The following SEL1L variants were observed in gnomAD, a reference collection of about 807,000 sequenced individuals.
The protein encoded by SEL1L is protein sel-1 homolog 1.
SEL1L carries 52 observed loss-of-function variants against 109.8 expected under a neutral mutation model. The observed-to-expected ratio is 0.47, with a 90% CI of 0.38 to 0.60. SEL1L has a LOEUF of 0.60. SEL1L is among the 20% of genes least tolerant of loss of function. The pLI, the probability that SEL1L is intolerant of heterozygous loss-of-function variation, is 0.00. For missense variants in SEL1L, 749 were observed against 962.2 expected (o/e 0.78, Z 2.93); for synonymous variants, 373 against 339.6 (o/e 1.10, Z -1.08).
At chr14:81,508,483 C>T (rs1418338267) in intron 3 of SEL1L, among the ~76,000 whole-genome samples, 8 of 151,974 alleles carry the variant, frequency 5.3e-5, no homozygotes, top group African/African-American at 1.7e-4. Context: ...CGGTGGCTCA[C>T]GCCTGTAATT....
intron 3 of SEL1L, among the ~76,000 whole-genome samples, chr14:81,510,514 C>CTCTCTCTCTATATATATA (rs35474067): frequency 9.8e-4 from 102 of 104,062 alleles, no homozygotes; most frequent in African/African-American, 2.2e-3. Flanking sequence ...CTCTCTCTCT[C>CTCTCTCTCTATATATATA]TATATATATA....
At chr14:81,498,631 G>A (rs1200992343) in intron 8 of SEL1L, 137 bp from the exon 9 acceptor site, 1 of 628,540 alleles carries the variant, frequency 1.6e-6, no homozygotes, top group Non-Finnish European at 2.8e-6. Flanking sequence ...TTTATGCTAA[G>A]TGTTAGGTTT....
Position 81,476,623 on chromosome 14 carries a change from G to T in SEL1L, c.*349C>A, listed in dbSNP as rs1903167814. On this transcript the variant is annotated 3_prime_UTR_variant, in exon 21 of 21. Coordinates refer to ENST00000336735, the MANE Select transcript of SEL1L (RefSeq NM_005065.6). ...ATACCTTAAAGATGGTTGACATTAA[G>T]AACTTATGCACACTGAAATAATGAC... 9.6e-6 allele frequency: 2 copies of T among 207,438 alleles called. No individual in the cohort carries two copies. Among genetic ancestry groups the T allele is most frequent in the East Asian group, 2.0e-4 (2 of 9,986 alleles). 12.8% of individuals were successfully genotyped at this position (207,438 alleles called of 1,614,324 possible). A position where few individuals can be genotyped will look rare whatever the true frequency, so the allele number is the denominator to read the frequency against.
At chr14:81,493,344 T>C (rs1883621276) in intron 11 of SEL1L, among the ~76,000 whole-genome samples, 1 of 151,992 alleles carries the variant, frequency 6.6e-6, no homozygotes, top group Non-Finnish European at 1.5e-5. Flanking sequence ...ACTCCGTCTC[T>C]ACTAAAAATA....
chr14:81,476,968 C>T lies in SEL1L; in HGVS notation c.*4G>A, dbSNP rs780058699. On this transcript the variant is annotated 3_prime_UTR_variant, in exon 21 of 21. Transcript: ENST00000336735. ...TCACTGATCAAGGCTGGACCCAGTG[C>T]CTATTACTGTGGTGGCTGCTGCTCT... 6 of 1,614,106 alleles carry T rather than the reference C, an allele frequency of 3.7e-6. No homozygotes were observed. The highest frequency in any genetic ancestry group is 1.1e-5 in the South Asian group (1 of 91,074).
intron 18 of SEL1L, among the ~76,000 whole-genome samples, chr14:81,485,243 CA>C (rs1181852882): frequency 6.6e-6 from 1 of 152,066 alleles, no homozygotes. Context: ...CAATAATATG[CA>C]AACAAATTAA....
intron 10 of SEL1L, among the ~76,000 whole-genome samples, chr14:81,496,828 G>A (rs969238766): frequency 1.6e-4 from 24 of 152,278 alleles, no homozygotes; most frequent in African/African-American, 5.8e-4. Flanking sequence ...GTATCTCATG[G>A]TACCAAAATA....
rs1384870085 is a variant in SEL1L, at chr14:81,472,013, G to GT, written c.*4958dup. 6.6e-6 allele frequency: 1 copy of GT among 152,030 alleles called. No individual in the cohort carries two copies. Among genetic ancestry groups the GT allele is most frequent in the African/African-American group, 2.4e-5 (1 of 41,406 alleles). The allele number at this position is 152,030 out of a possible 1,614,324, so 9.4% of individuals were successfully genotyped here. A position where few individuals can be genotyped will look rare whatever the true frequency, so the allele number is the denominator to read the frequency against. On this transcript the variant is annotated 3_prime_UTR_variant, in exon 21 of 21. Transcript: ENST00000336735. Reference sequence around the variant, plus strand: ...TTTTTTTTACTTGCATCTAATTTGTGTATCTGCTGTAACTTAATCTAAGCA... The same window carrying GT: ...TTTTTTTTACTTGCATCTAATTTGTGTTATCTGCTGTAACTTAATCTAAGCA...
intron 1 of SEL1L, among the ~76,000 whole-genome samples, chr14:81,530,025 C>T (rs4903985): frequency 0.72 from 109,699 of 152,194 alleles, 39,665 homozygotes; most frequent in African/African-American, 0.76. Context: ...ATTTTATTAA[C>T]TGTACACCTT....
intron 11 of SEL1L, among the ~76,000 whole-genome samples, chr14:81,493,984 C>A (rs1883642962): frequency 6.6e-6 from 1 of 152,298 alleles, no homozygotes; most frequent in South Asian, 2.1e-4. Context: ...GTTTTGGACT[C>A]CATTCTCACT....
chr14:81,506,365 G>T, intron 3 of SEL1L, 124 bp from the exon 4 acceptor site: 1 of 817,846 alleles, frequency 1.2e-6, no homozygotes, highest in South Asian at 2.0e-5. Flanking sequence ...TTTGTAACTG[G>T]GAACATAAAA....
rs185041069 is a variant in SEL1L, at chr14:81,501,996, G to T, written c.777+725C>A. Among the ~76,000 whole-genome samples the T allele has an allele frequency of 1.9e-4, 29 of 151,440 alleles. No homozygotes were observed. In the East Asian group the frequency reaches 5.4e-3, roughly 28 times the overall value. On this transcript the variant is annotated intron_variant, in intron 6 of 20. Coordinates refer to ENST00000336735, the MANE Select transcript of SEL1L (RefSeq NM_005065.6). The stretch of plus-strand genomic sequence containing the variant: ...TAATATAGACAAAAAAGGCATTGGG[G>T]TATACTAGATAACAACCAAATGTAA...
At position 81,526,878 on chromosome 14, in the gene SEL1L, T is replaced by C. The variant is rs768957813; in HGVS notation, c.195A>G (p.Glu65=). 1 of 1,598,456 alleles carries C rather than the reference T, an allele frequency of 6.3e-7. No individual in the cohort carries two copies. Among genetic ancestry groups the C allele is most frequent in the Non-Finnish European group, 8.5e-7 (1 of 1,174,150 alleles). ...VAGQIFLDSE[E]SELESSIQEE... is the part of the protein sequence containing the mutation. ...CTTGAATAGAGGATTCTAATTCAGA[T>C]TCTTCTGAATCAAGAAATATTTGAC... The change falls in exon 3 of 21, where the codon GAA becomes GAG. Residue 65 remains glutamate (E), a synonymous_variant. Coordinates refer to ENST00000336735, the MANE Select transcript of SEL1L (RefSeq NM_005065.6).
chr14:81,503,781 CATAAG>C (rs1277153089), intron 5 of SEL1L, among the ~76,000 whole-genome samples: 1 of 152,112 alleles, frequency 6.6e-6, no homozygotes, highest in Non-Finnish European at 1.5e-5. Flanking sequence ...ATTAAAAGGA[CATAAG>C]ATGTTACGAG....
At chr14:81,523,641 A>C (rs1039174557) in intron 3 of SEL1L, among the ~76,000 whole-genome samples, 2 of 152,202 alleles carry the variant, frequency 1.3e-5, no homozygotes, top group African/African-American at 4.8e-5. Flanking sequence ...AGAAGCACAG[A>C]CAACCCGGGG....
intron 8 of SEL1L, chr14:81,499,143 T>C (rs1476528639): frequency 1.9e-6 from 2 of 1,057,784 alleles, no homozygotes; most frequent in African/African-American, 3.3e-5. Flanking sequence ...AAAATTATGA[T>C]AATCTAATGT....
In SEL1L at chr14:81,475,616, C is replaced by CT. The variant is rs1048013134; in HGVS notation, c.*1355dup. The CT allele has an allele frequency of 1.3e-5, 2 of 152,158 alleles. No individual in the cohort carries two copies. Among genetic ancestry groups the CT allele is most frequent in the Non-Finnish European group, 2.9e-5 (2 of 68,034 alleles). 9.4% of individuals were successfully genotyped at this position (152,158 alleles called of 1,614,324 possible). On this transcript the variant is annotated 3_prime_UTR_variant, in exon 21 of 21. Coordinates refer to ENST00000336735, the MANE Select transcript of SEL1L (RefSeq NM_005065.6). ...AATGCAGTCTCAGACAAGATACAGG[C>CT]TGGTGAACACCACCATCTGACAATA...
chr14:81,476,973 T>C lies in SEL1L; in HGVS notation c.2384A>G (p.Ter795=). Residue 795 remains the stop codon, a stop_retained_variant, in exon 21 of 21, where the codon TAA becomes TGA. Transcript: ENST00000336735. ...EGPPEQQPPQ[*] Reference sequence around the variant, plus strand: ...GATCAAGGCTGGACCCAGTGCCTATTACTGTGGTGGCTGCTGCTCTGGTGG... The same window carrying C: ...GATCAAGGCTGGACCCAGTGCCTATCACTGTGGTGGCTGCTGCTCTGGTGG... The C allele has an allele frequency of 6.2e-7, 1 of 1,614,186 alleles. No individual in the cohort carries two copies. The highest frequency in any genetic ancestry group is 8.5e-7 in the Non-Finnish European group (1 of 1,180,018).
chr14:81,513,106 G>A (rs1884553825), intron 3 of SEL1L, among the ~76,000 whole-genome samples: 1 of 152,134 alleles, frequency 6.6e-6, no homozygotes, highest in Non-Finnish European at 1.5e-5. Flanking sequence ...TCAGCACTCT[G>A]TAAGAACGCA....
Sources: gnomAD v4.1 joint callset for allele counts (sites outside exome capture counted in the v4.1 genomes callset) on GRCh38, gnomAD v4.1.1 for gene constraint, MANE v1.5 for transcripts, NCBI Gene and HGNC (gene_info 2026-07-23, HGNC 2026-07-21) for gene names.